ABHD1: variants seen among roughly 807,000 people sequenced by gnomAD.
The protein encoded by ABHD1 is abhydrolase domain containing 1.
ABHD1 carries 47 observed loss-of-function variants against 41.4 expected under a neutral mutation model. The observed-to-expected ratio is 1.13, with a 90% CI of 0.90 to 1.45. The LOEUF (loss-of-function observed/expected upper bound fraction) is 1.45, where lower values mean the gene tolerates loss of function less well. ABHD1 is among the 40% of genes most tolerant of loss of function. ABHD1 has a pLI of 0.00. For missense variants in ABHD1, 550 were observed against 503.4 expected, an observed-to-expected ratio of 1.09 and a Z score of -0.89; for synonymous variants, 205 against 203.7, an observed-to-expected ratio of 1.01 and a Z score of -0.05.
Position 27,123,835 on chromosome 2 carries a change from G to T in ABHD1, c.-114G>T. On this transcript the variant is annotated 5_prime_UTR_variant, in exon 1 of 9. Transcript: ENST00000316470. ...GGGCCAGCAGCGCAAACTGCCTGCA[G>T]CGGGGACCGGACCTGCACAGGCCGC... 3 of 848,050 alleles carry T rather than the reference G, an allele frequency of 3.5e-6. No individual in the cohort carries two copies. In the South Asian group the frequency reaches 4.6e-5, roughly 13 times the overall value. 52.5% of individuals were successfully genotyped at this position (848,050 alleles called of 1,614,324 possible). A position where few individuals can be genotyped will look rare whatever the true frequency, so the allele number is the denominator to read the frequency against.
At position 27,128,606 on chromosome 2, in the gene ABHD1, G is replaced by A. The variant is rs1672075177; in HGVS notation, c.275+5G>A. 4 of 1,613,938 alleles carry A rather than the reference G, an allele frequency of 2.5e-6. No homozygotes were observed. Among genetic ancestry groups the A allele is most frequent in the African/African-American group, 1.3e-5 (1 of 74,928 alleles). ...GCCCCTAGTCCTTTATCAGAGGTAAGAAGGGACAGAACAGGGTGAACATGA... is the reference window on the plus strand; with the variant it reads ...GCCCCTAGTCCTTTATCAGAGGTAAAAAGGGACAGAACAGGGTGAACATGA... On this transcript the variant is annotated splice_donor_5th_base_variant and intron_variant, in intron 2 of 8. Transcript: ENST00000316470.
At chr2:27,128,872 G>C (rs534702480) in intron 2 of ABHD1, 73 bp from the exon 3 acceptor site, 1 of 1,520,636 alleles carries the variant, frequency 6.6e-7, no homozygotes, top group African/African-American at 1.4e-5. Flanking sequence ...TTGTGGGTGG[G>C]GCAGGGGGCA....
intron 1 of ABHD1, 85 bp downstream of exon 1, chr2:27,124,147 T>C: frequency 8.0e-7 from 1 of 1,253,462 alleles, no homozygotes; most frequent in Non-Finnish European, 1.2e-6. Flanking sequence ...TGGTGGGAAC[T>C]GGGATGGTTG....
At position 27,123,957 on chromosome 2, in the gene ABHD1, C is replaced by T. The variant is rs202173691; in HGVS notation, c.9C>T (p.Ser3=). 2.6e-4 allele frequency: 419 copies of T among 1,614,134 alleles called. 2 individuals carry two copies. The South Asian group carries it at 4.3e-3, about 17-fold the overall frequency. ...GAAGCCCCCAACACAAGATGCTGAG[C>T]TCCTTCCTGAGCCCCCAGAATGGCA... is the stretch of plus-strand genomic sequence containing the variant. ML[S]SFLSPQNGTW... The change falls in exon 1 of 9, where the codon AGC becomes AGT. Residue 3 remains serine (S), a synonymous_variant. Coordinates refer to ENST00000316470, the MANE Select transcript of ABHD1 (RefSeq NM_032604.4).
intron 1 of ABHD1, among the ~76,000 whole-genome samples, chr2:27,127,363 G>A (rs1386393894): frequency 2.1e-5 from 3 of 145,820 alleles, no homozygotes; most frequent in Non-Finnish European, 1.5e-5. Flanking sequence ...GACCATCCTG[G>A]CTAACACAGT....
At position 27,129,731 on chromosome 2, in the gene ABHD1, T is replaced by C. The variant is rs112320078; in HGVS notation, c.618-23T>C. ...CACATTAATGCAAACCCTTCTTTCA[T>C]GGTCCCTTGTCCAATTCCACAGGAT... On this transcript the variant is annotated intron_variant, in intron 5 of 8. Coordinates refer to ENST00000316470, the MANE Select transcript of ABHD1 (RefSeq NM_032604.4). 69 of 1,613,208 alleles carry C rather than the reference T, an allele frequency of 4.3e-5. No individual in the cohort carries two copies. In the African/African-American group the frequency reaches 6.4e-4, roughly 15 times the overall value.
intron 3 of ABHD1, 37 bp downstream of exon 3, chr2:27,129,164 T>C: frequency 6.2e-7 from 1 of 1,602,652 alleles, no homozygotes; most frequent in South Asian, 1.1e-5. Flanking sequence ...GGGTGGCATC[T>C]GAGAACGTGT....
rs570285008 is a variant in ABHD1, at chr2:27,129,270, A to G, written c.459-46A>G. The G allele has an allele frequency of 7.1e-5, 115 of 1,611,882 alleles. 1 individual carries two copies. In the South Asian group the frequency reaches 1.2e-3, roughly 16 times the overall value. ...GTCTTTCTGAATACTGAAAGGGGAG[A>G]GGGGCTAAGAAGGGTCTGGCTAAGA... On this transcript the variant is annotated intron_variant, in intron 3 of 8. Coordinates refer to ENST00000316470, the MANE Select transcript of ABHD1 (RefSeq NM_032604.4).
chr2:27,129,469 T>G, intron 4 of ABHD1, 45 bp from the exon 5 acceptor site: 1 of 1,612,700 alleles, frequency 6.2e-7, no homozygotes. Context: ...CTCCACCTTC[T>G]GGCCACGGTC....
At position 27,129,322 on chromosome 2, in the gene ABHD1, CGTGTTT is replaced by C. The variant is rs753876686; in HGVS notation, c.466_471del (p.Val156_Phe157del). 3 of 1,613,988 alleles carry C rather than the reference CGTGTTT, an allele frequency of 1.9e-6. No homozygotes were observed. Among genetic ancestry groups the C allele is most frequent in the Non-Finnish European group, 1.7e-6 (2 of 1,180,020 alleles). ...GTACCTGTGTGTGCCACAGGGCTGT[CGTGTTT>C]AACAACCGGGGCTGCCGTGGGGAGG... On this transcript the variant is annotated inframe_deletion, in exon 4 of 9. Transcript: ENST00000316470.
In ABHD1 at chr2:27,124,048, G is replaced by A; in HGVS notation, c.100G>A (p.Ala34Thr). ...TGCCCTCTACTTGGGCTACTACTGG[G>A]CATGTGTGCTTCAGGTGGGTGCGGG... Reference protein sequence around the residue: ...AVALYLGYYWACVLQRPRLVA... With the variant: ...AVALYLGYYWTCVLQRPRLVA... The change falls in exon 1 of 9, where the codon GCA becomes ACA. Residue 34 changes from alanine to threonine, a missense_variant. Coordinates refer to ENST00000316470, the MANE Select transcript of ABHD1 (RefSeq NM_032604.4). The A allele has an allele frequency of 1.2e-6, 2 of 1,614,182 alleles. No homozygotes were observed. The highest frequency in any genetic ancestry group is 2.2e-5 in the East Asian group (1 of 44,864).
intron 1 of ABHD1, chr2:27,126,552 T>G (rs1310593553): frequency 6.6e-6 from 1 of 152,258 alleles, no homozygotes; most frequent in Non-Finnish European, 1.5e-5. Context: ...TATGGCATAC[T>G]CCTCCTTCAC....
chr2:27,128,323 A>C, intron 1 of ABHD1, 118 bp from the exon 2 acceptor site: 1 of 1,248,688 alleles, frequency 8.0e-7, no homozygotes, highest in Non-Finnish European at 1.2e-6. Flanking sequence ...CATGCAGACA[A>C]AGCAGGGTCC....
intron 1 of ABHD1, chr2:27,124,468 A>G (rs190903962): frequency 8.4e-6 from 3 of 359,134 alleles, no homozygotes; most frequent in South Asian, 4.2e-5. Flanking sequence ...ATAGCTTAGT[A>G]GGACCTCCCT....
rs771920338 is a variant in ABHD1, at chr2:27,123,983, C to A, written c.35C>A (p.Thr12Asn). ...TCCTTCCTGAGCCCCCAGAATGGCA[C>A]CTGGGCAGACACCTTCTCTCTGCTC... is the stretch of plus-strand genomic sequence containing the variant. ...LSSFLSPQNGTWADTFSLLLA... is the reference protein window; with the variant it reads ...LSSFLSPQNGNWADTFSLLLA... The change falls in exon 1 of 9, where the codon ACC becomes AAC. Residue 12 changes from threonine (T) to asparagine (N), a missense_variant. Transcript: ENST00000316470. 7 of 1,614,248 alleles carry A rather than the reference C, an allele frequency of 4.3e-6. No individual in the cohort carries two copies. The Admixed American group carries it at 1.2e-4, about 27-fold the overall frequency.
chr2:27,130,643 A>G lies in ABHD1; in HGVS notation c.1117A>G (p.Met373Val). 1 of 1,614,180 alleles carries G rather than the reference A, an allele frequency of 6.2e-7. No individual in the cohort carries two copies. Reference sequence around the variant, plus strand: ...GCTGCTCCCGTGGCAGCACTGGTACATGAGCCGCCTCTTGCATCAGTACGC... The same window carrying G: ...GCTGCTCCCGTGGCAGCACTGGTACGTGAGCCGCCTCTTGCATCAGTACGC... Reference protein sequence around the residue: ...EGLLPWQHWYMSRLLHQYAKA... With the variant: ...EGLLPWQHWYVSRLLHQYAKA... Residue 373 changes from methionine to valine, a missense_variant, in exon 9 of 9, where the codon ATG (methionine) becomes GTG (valine). Met to Val is a conservative substitution (Grantham distance 21). Transcript: ENST00000316470.
chr2:27,130,024 C>T (rs1341166681), intron 6 of ABHD1, 81 bp from the exon 7 acceptor site: 39 of 1,610,194 alleles, frequency 2.4e-5, no homozygotes, highest in Non-Finnish European at 3.3e-5. Flanking sequence ...TGGGCTTCCT[C>T]ACACATGAGA....
Position 27,129,108 on chromosome 2 carries a change from GCT to G in ABHD1, c.442_443del (p.Leu148GlufsTer10). ...ETYVLHLVNQALRDGYQAVVF... is the reference protein window; with the variant it reads ...ETYVLHLVNQXLRDGYQAVVF... ...ATACGTCTTGCACCTAGTTAACCAA[GCT>G]CTGAGGGATGGCTACCAGTAAGGAT... On this transcript the variant is annotated frameshift_variant, in exon 3 of 9. Transcript: ENST00000316470. LOFTEE classifies it high-confidence loss of function. 1 of 1,613,242 alleles carries G rather than the reference GCT, an allele frequency of 6.2e-7. No individual in the cohort carries two copies. Among genetic ancestry groups the G allele is most frequent in the Non-Finnish European group, 8.5e-7 (1 of 1,179,872 alleles).
At position 27,129,093 on chromosome 2, in the gene ABHD1, C is replaced by CACCT; in HGVS notation, c.426_429dup (p.Val144ProfsTer3). On this transcript the variant is annotated frameshift_variant, in exon 3 of 9. Coordinates refer to ENST00000316470, the MANE Select transcript of ABHD1 (RefSeq NM_032604.4). LOFTEE classifies it high-confidence loss of function. ...CAGTAGCCAGGAGACATACGTCTTGCACCTAGTTAACCAAGCTCTGAGGGA... is the reference window on the plus strand; with the variant it reads ...CAGTAGCCAGGAGACATACGTCTTGCACCTACCTAGTTAACCAAGCTCTGAGGGA... 1 of 1,613,694 alleles carries CACCT rather than the reference C, an allele frequency of 6.2e-7. No homozygotes were observed. The highest frequency in any genetic ancestry group is 8.5e-7 in the Non-Finnish European group (1 of 1,179,970).
Sources: gnomAD v4.1 joint callset for allele counts (sites outside exome capture counted in the v4.1 genomes callset) on GRCh38, gnomAD v4.1.1 for gene constraint, MANE v1.5 for transcripts, NCBI Gene and HGNC (gene_info 2026-07-23, HGNC 2026-07-21) for gene names.